CSNK2A2: variants seen among roughly 807,000 people sequenced by gnomAD.
The protein encoded by CSNK2A2 is casein kinase II subunit alpha'.
A neutral mutation model predicts 54.0 loss-of-function variants in CSNK2A2; 8 were observed. That is an observed-to-expected ratio of 0.15 (90% CI 0.09 to 0.27). CSNK2A2 has a LOEUF of 0.27. Among genes scored for constraint, CSNK2A2 ranks in the 10% least tolerant of loss-of-function variants. The pLI is 1.00. For synonymous variants in CSNK2A2, 141 were observed against 153.9 expected (o/e 0.92, Z 0.62); for missense variants, 242 against 439.4 (o/e 0.55, Z 4.02).
Position 58,165,396 on chromosome 16 carries a change from G to A in CSNK2A2, c.976+164C>T, listed in dbSNP as rs375544071. ...CAAACACCTTTGGTGATCAAGAAAC[G>A]GATCTGCAAAGTTGTCTCAATCATC... On this transcript the variant is annotated intron_variant, in intron 10 of 11. Coordinates refer to ENST00000262506, the MANE Select transcript of CSNK2A2 (RefSeq NM_001896.4). Among the ~76,000 whole-genome samples the A allele has an allele frequency of 7.0e-4, 107 of 152,284 alleles. 1 individual carries two copies. The highest frequency in any genetic ancestry group is 2.5e-3 in the African/African-American group (104 of 41,568).
intron 4 of CSNK2A2, among the ~76,000 whole-genome samples, chr16:58,181,049 T>G (rs968820086): frequency 3.9e-5 from 6 of 152,218 alleles, no homozygotes; most frequent in Non-Finnish European, 8.8e-5. Context: ...GATCTCTTGA[T>G]TAAAATGTCA....
chr16:58,165,617 G>T lies in CSNK2A2; in HGVS notation c.919C>A (p.Arg307=). 2 of 1,614,020 alleles carry T rather than the reference G, an allele frequency of 1.2e-6. No individual in the cohort carries two copies. The highest frequency in any genetic ancestry group is 1.7e-6 in the Non-Finnish European group (2 of 1,179,956). The change falls in exon 10 of 12, where the codon CGA becomes AGA. Residue 307 remains arginine (R), a synonymous_variant. Transcript: ENST00000262506. ...EALDLLDKLL[R]YDHQQRLTAK... Reference sequence around the variant, plus strand: ...GTCAGTCTCTGTTGATGGTCGTATCGCAGAAGTTTGTCCAGAAGATCTAGG... The same window carrying T: ...GTCAGTCTCTGTTGATGGTCGTATCTCAGAAGTTTGTCCAGAAGATCTAGG...
chr16:58,168,594 C>T lies in CSNK2A2; in HGVS notation c.513+16G>A. Reference sequence around the variant, plus strand: ...GCCTTTTAATCAAGCTTGTTGCTGCCTGGCTGTAATGGTACCTTTTTCTGT... The same window carrying T: ...GCCTTTTAATCAAGCTTGTTGCTGCTTGGCTGTAATGGTACCTTTTTCTGT... On this transcript the variant is annotated intron_variant, in intron 6 of 11. Coordinates refer to ENST00000262506, the MANE Select transcript of CSNK2A2 (RefSeq NM_001896.4). 1 of 1,609,482 alleles carries T rather than the reference C, an allele frequency of 6.2e-7. No individual in the cohort carries two copies. Among genetic ancestry groups the T allele is most frequent in the Non-Finnish European group, 8.5e-7 (1 of 1,176,062 alleles).
At position 58,197,594 on chromosome 16, in the gene CSNK2A2, G is replaced by T; in HGVS notation, c.104+39C>A. ...CGCAGGGGGTGGCCGGGCGGGGGCA[G>T]GGATCAGCGGGCCCGGCGGGGGGCG... On this transcript the variant is annotated intron_variant, in intron 1 of 11. Coordinates refer to ENST00000262506, the MANE Select transcript of CSNK2A2 (RefSeq NM_001896.4). This position sits in a 1 kb window ranked among gnomAD's most constrained non-coding sequence, Gnocchi z 4.0. 7.1e-7 allele frequency: 1 copy of T among 1,415,222 alleles called. No homozygotes were observed. Among genetic ancestry groups the T allele is most frequent in the Admixed American group, 2.0e-5 (1 of 49,172 alleles). 87.7% of individuals were successfully genotyped at this position (1,415,222 alleles called of 1,614,324 possible). A position where few individuals can be genotyped will look rare whatever the true frequency, so the allele number is the denominator to read the frequency against.
intron 2 of CSNK2A2, among the ~76,000 whole-genome samples, chr16:58,194,268 C>A (rs895710406): frequency 1.3e-5 from 2 of 152,176 alleles, no homozygotes; most frequent in African/African-American, 4.8e-5. Context: ...TGACCAAGCA[C>A]CACAATAGTA....
chr16:58,182,554 C>CA (rs59002536), intron 4 of CSNK2A2, among the ~76,000 whole-genome samples: 5,577 of 80,150 alleles, frequency 0.07, 240 homozygotes, highest in African/African-American at 0.12. Flanking sequence ...GGCTCCGTCT[C>CA]AAAAAAAAAA....
At chr16:58,158,966 G>A (rs1355485005) in intron 11 of CSNK2A2, 1 of 152,192 alleles carries the variant, frequency 6.6e-6, no homozygotes, top group Non-Finnish European at 1.5e-5. Context: ...TCTAGAAGCA[G>A]TGCCTCCCAG....
chr16:58,160,315 T>C (rs886252946), intron 11 of CSNK2A2: 3 of 152,208 alleles, frequency 2.0e-5, no homozygotes, highest in South Asian at 2.1e-4. Flanking sequence ...TATCCCCTCA[T>C]TTTTTGTAGG....
intron 7 of CSNK2A2, 136 bp from the exon 8 acceptor site, chr16:58,167,444 T>A: frequency 1.6e-6 from 1 of 621,076 alleles, no homozygotes; most frequent in South Asian, 2.9e-5. Context: ...AAATTTTTTT[T>A]AACTTCCTGG....
intron 8 of CSNK2A2, 93 bp from the exon 9 acceptor site, chr16:58,166,777 A>G (rs904711857): frequency 6.0e-6 from 5 of 837,680 alleles, no homozygotes; most frequent in Non-Finnish European, 9.9e-6. Context: ...AGACTTCCAC[A>G]CCACTAAACC....
At chr16:58,194,572 GCCTCCCAAGT>G (rs933776025) in intron 2 of CSNK2A2, among the ~76,000 whole-genome samples, 1 of 152,130 alleles carries the variant, frequency 6.6e-6, no homozygotes, top group Non-Finnish European at 1.5e-5. Context: ...TTAACTAGGG[GCCTCCCAAGT>G]CTGATTCCAG....
chr16:58,196,457 CA>C (rs1414374074), intron 2 of CSNK2A2, among the ~76,000 whole-genome samples: 1 of 152,006 alleles, frequency 6.6e-6, no homozygotes, highest in Non-Finnish European at 1.5e-5. Context: ...CCTGACTCTA[CA>C]AAAAAATTTT....
chr16:58,183,690 TG>T (rs1209932728), intron 4 of CSNK2A2, among the ~76,000 whole-genome samples: 2 of 152,218 alleles, frequency 1.3e-5, no homozygotes, highest in Non-Finnish European at 2.9e-5. Context: ...CAATAAATTT[TG>T]TGAAACACGA....
At chr16:58,171,977 ATAT>A (rs1297073270) in intron 5 of CSNK2A2, among the ~76,000 whole-genome samples, 1 of 34,316 alleles carries the variant, frequency 2.9e-5, no homozygotes, top group African/African-American at 1.5e-4. Flanking sequence ...ATATATATAT[ATAT>A]TTTTTTTTTT....
intron 3 of CSNK2A2, 34 bp downstream of exon 3, chr16:58,186,721 T>C: frequency 6.7e-7 from 1 of 1,492,608 alleles, no homozygotes; most frequent in Non-Finnish European, 9.3e-7. Context: ...CACCCCGGTC[T>C]ACTAGTATAC....
At position 58,181,915 on chromosome 16, in the gene CSNK2A2, C is replaced by T. The variant is rs1340728083; in HGVS notation, c.369+2345G>A. Among the ~76,000 whole-genome samples, 7 of 152,020 alleles carry T rather than the reference C, an allele frequency of 4.6e-5. No homozygotes were observed. The East Asian group carries it at 5.8e-4, about 13-fold the overall frequency. ...CAGAGGTAAAAAACAAAAACAAAAC[C>T]GTCACATAAGATGAAACTAGAATGG... On this transcript the variant is annotated intron_variant, in intron 4 of 11. Coordinates refer to ENST00000262506, the MANE Select transcript of CSNK2A2 (RefSeq NM_001896.4).
intron 10 of CSNK2A2, among the ~76,000 whole-genome samples, 181 bp from the exon 11 acceptor site, chr16:58,164,328 TG>T (rs1361608278): frequency 6.6e-6 from 1 of 152,082 alleles, no homozygotes; most frequent in East Asian, 1.9e-4. Flanking sequence ...CACTGAAAAA[TG>T]ATCAGGGAAA....
chr16:58,193,244 GATATA>G (rs1185347977), intron 2 of CSNK2A2, among the ~76,000 whole-genome samples: 1 of 152,134 alleles, frequency 6.6e-6, no homozygotes, highest in East Asian at 1.9e-4. Flanking sequence ...GCACCATTCT[GATATA>G]ATATAAAGAT....
chr16:58,167,602 T>C (rs1341790596), intron 7 of CSNK2A2, 83 bp downstream of exon 7: 4 of 1,085,348 alleles, frequency 3.7e-6, no homozygotes, highest in Admixed American at 1.9e-5. Flanking sequence ...TTTGAGTGTA[T>C]TCAAACTGAC....
Sources: allele counts gnomAD v4.1 joint callset (sites outside exome capture counted in the v4.1 genomes callset), GRCh38; gene constraint gnomAD v4.1.1; non-coding constraint Gnocchi (gnomAD v3.1); transcripts MANE v1.5; gene names NCBI Gene and HGNC (gene_info 2026-07-23, HGNC 2026-07-21).